The following CD44 variants were observed in gnomAD, a reference collection of about 807,000 sequenced individuals.
The protein encoded by CD44 is CD44 molecule (IN blood group), also known as CD44 antigen.
A neutral mutation model predicts 88.8 loss-of-function variants in CD44; 49 were observed. That is an observed-to-expected ratio of 0.55 (90% CI 0.44 to 0.70). CD44 has a LOEUF of 0.70. Ranked by LOEUF, CD44 falls within the 30% of genes least tolerant of loss-of-function variation. The pLI is 0.00. For synonymous variants in CD44, 325 were observed against 312.3 expected (o/e 1.04, Z -0.43); for missense variants, 883 against 913.8 (o/e 0.97, Z 0.43).
At chr11:35,197,995 G>A in intron 6 of CD44, 126 bp from the exon 7 acceptor site, 1 of 964,624 alleles carries the variant, frequency 1.0e-6, no homozygotes, top group Non-Finnish European at 1.5e-6. Flanking sequence ...GGGTATGCAA[G>A]TCAACTCCCT....
intron 1 of CD44, among the ~76,000 whole-genome samples, chr11:35,160,320 G>A (rs1012936225): frequency 2.0e-5 from 3 of 152,222 alleles, no homozygotes; most frequent in African/African-American, 4.8e-5. Flanking sequence ...CTTCGATGGG[G>A]CAGGTTCTCA....
At chr11:35,162,795 T>C (rs751636373) in intron 1 of CD44, among the ~76,000 whole-genome samples, 3 of 152,060 alleles carry the variant, frequency 2.0e-5, no homozygotes, top group Non-Finnish European at 2.9e-5. Context: ...CCCCAAAACA[T>C]CTGAAGAGTG....
intron 9 of CD44, among the ~76,000 whole-genome samples, chr11:35,202,282 T>C (rs1230137934): frequency 6.6e-6 from 1 of 152,220 alleles, no homozygotes; most frequent in Non-Finnish European, 1.5e-5. Flanking sequence ...GTAGCTCTTA[T>C]GGTCTTCATT....
chr11:35,172,484 A>G (rs183652324), intron 1 of CD44, among the ~76,000 whole-genome samples: 42 of 152,194 alleles, frequency 2.8e-4, no homozygotes, highest in Non-Finnish European at 5.0e-4. Context: ...TCTGCTGTTA[A>G]TCATTGGTCC....
intron 9 of CD44, 107 bp downstream of exon 9, chr11:35,201,894 C>T (rs930586351): frequency 6.9e-6 from 8 of 1,152,832 alleles, no homozygotes; most frequent in African/African-American, 3.1e-5. Flanking sequence ...TATTTCCACT[C>T]GGTAATTTCT....
intron 4 of CD44, among the ~76,000 whole-genome samples, chr11:35,187,859 T>A (rs1945843986): frequency 6.6e-6 from 1 of 152,168 alleles, no homozygotes; most frequent in African/African-American, 2.4e-5. Context: ...TATCCACAGA[T>A]GTATATATTC....
At chr11:35,146,293 A>C (rs926018425) in intron 1 of CD44, among the ~76,000 whole-genome samples, 28 of 151,868 alleles carry the variant, frequency 1.8e-4, no homozygotes, top group Admixed American at 1.8e-3. Flanking sequence ...TAATTGCAAA[A>C]CTCCGGGGTT....
In CD44 at chr11:35,176,669, G is replaced by A. The variant is rs1450197010; in HGVS notation, c.162G>A (p.Lys54=). The A allele has an allele frequency of 6.2e-7, 1 of 1,614,216 alleles. No homozygotes were observed. The highest frequency in any genetic ancestry group is 1.3e-5 in the African/African-American group (1 of 75,062). ...GGACGGAGGCCGCTGACCTCTGCAAGGCTTTCAATAGCACCTTGCCCACAA... is the reference window on the plus strand; with the variant it reads ...GGACGGAGGCCGCTGACCTCTGCAAAGCTTTCAATAGCACCTTGCCCACAA... ...ISRTEAADLC[K]AFNSTLPTMA... Residue 54 remains lysine (K), a synonymous_variant, in exon 2 of 18, where the codon AAG becomes AAA. Transcript: ENST00000428726.
intron 6 of CD44, chr11:35,197,851 A>G: frequency 2.8e-6 from 1 of 353,214 alleles, no homozygotes; most frequent in Non-Finnish European, 5.1e-6. Context: ...ATTAGCCTTT[A>G]AAAACTTATA....
rs1025514975 is a variant in CD44 at position 35,139,236 on chromosome 11, G to A, written c.-68G>A. On this transcript the variant is annotated 5_prime_UTR_variant, in exon 1 of 18. Coordinates refer to ENST00000428726, the MANE Select transcript of CD44 (RefSeq NM_000610.4). ...CGCCATCCTCGTCCCGTCCTCCGCCGGCCCCTGCCCCGCGCCCAGGGATCC... is the reference window on the plus strand; with the variant it reads ...CGCCATCCTCGTCCCGTCCTCCGCCAGCCCCTGCCCCGCGCCCAGGGATCC... 5 of 1,301,058 alleles carry A rather than the reference G, an allele frequency of 3.8e-6. No homozygotes were observed. The highest frequency in any genetic ancestry group is 4.0e-5 in the Admixed American group (2 of 50,400). 80.6% of individuals were successfully genotyped at this position (1,301,058 alleles called of 1,614,324 possible).
chr11:35,204,958 T>A (rs548306074), intron 10 of CD44: 1 of 257,620 alleles, frequency 3.9e-6, no homozygotes, highest in South Asian at 4.7e-5. Context: ...TATCGCTGTC[T>A]GTTGTATAAA....
At chr11:35,218,287 T>C (rs1219384360) in intron 15 of CD44, among the ~76,000 whole-genome samples, 1 of 152,166 alleles carries the variant, frequency 6.6e-6, no homozygotes, top group Non-Finnish European at 1.5e-5. Context: ...GGGACTCTAA[T>C]AGGGTGATTT....
intron 14 of CD44, among the ~76,000 whole-genome samples, chr11:35,213,250 CA>C (rs1378743508): frequency 2.0e-5 from 3 of 152,186 alleles, no homozygotes; most frequent in Non-Finnish European, 2.9e-5. Context: ...TTCTGATTTC[CA>C]CAGTGGTACG....
chr11:35,169,880 T>C (rs966680467), intron 1 of CD44, among the ~76,000 whole-genome samples: 4 of 152,178 alleles, frequency 2.6e-5, no homozygotes, highest in Non-Finnish European at 5.9e-5. Flanking sequence ...GGAGGCAACA[T>C]AGCATAGAGG....
intron 12 of CD44, among the ~76,000 whole-genome samples, chr11:35,209,372 G>A (rs724474): frequency 0.054 from 8,258 of 152,238 alleles, 805 homozygotes; most frequent in African/African-American, 0.19. Context: ...GTGAAATTAA[G>A]AAATAACTTA....
chr11:35,174,740 A>G (rs545164908), intron 1 of CD44, among the ~76,000 whole-genome samples: 9 of 152,360 alleles, frequency 5.9e-5, no homozygotes, highest in African/African-American at 2.2e-4. Context: ...AGCAAACGAC[A>G]GGCTTTTGGT....
At chr11:35,215,945 C>T (rs1226620320) in intron 15 of CD44, among the ~76,000 whole-genome samples, 1 of 149,348 alleles carries the variant, frequency 6.7e-6, no homozygotes. Context: ...CTAGTATGAA[C>T]TCATTCAGTC....
At chr11:35,219,797 AC>A (rs895429525) in intron 16 of CD44, among the ~76,000 whole-genome samples, 26 of 152,330 alleles carry the variant, frequency 1.7e-4, no homozygotes, top group African/African-American at 6.3e-4. Context: ...ACGATTACAG[AC>A]AGGGAGGAGC....
intron 4 of CD44, among the ~76,000 whole-genome samples, chr11:35,187,705 G>A (rs1458458297): frequency 1.3e-5 from 2 of 152,196 alleles, no homozygotes; most frequent in African/African-American, 4.8e-5. Flanking sequence ...AGTGTCAGGT[G>A]TAGGGGCATT....
Sources: allele counts gnomAD v4.1 joint callset (sites outside exome capture counted in the v4.1 genomes callset), GRCh38; gene constraint gnomAD v4.1.1; transcripts MANE v1.5; gene names NCBI Gene and HGNC (gene_info 2026-07-23, HGNC 2026-07-21).